RBFOX1: variants seen among roughly 807,000 people sequenced by gnomAD.
The protein encoded by RBFOX1 is RNA binding fox-1 homolog 1.
RBFOX1 carries 8 observed loss-of-function variants against 57.7 expected under a neutral mutation model. That is an observed-to-expected ratio of 0.14 (90% CI 0.08 to 0.25). The LOEUF (loss-of-function observed/expected upper bound fraction) is 0.25, where lower values mean the gene tolerates loss of function less well. Among genes scored for constraint, RBFOX1 ranks in the 10% least tolerant of loss-of-function variants. RBFOX1 has a pLI of 1.00. For synonymous variants in RBFOX1, 326 were observed against 222.4 expected (o/e 1.47, Z -4.15); for missense variants, 611 against 548.5 (o/e 1.11, Z -1.14).
At chr16:6,400,910 A>C (rs1253190455) in intron 2 of RBFOX1, among the ~76,000 whole-genome samples, 3 of 152,210 alleles carry the variant, frequency 2.0e-5, no homozygotes, top group African/African-American at 7.2e-5. Context: ...CAAAATCAGC[A>C]TTGATAGTAC....
chr16:5,546,884 G>T (rs1197635794), intron 2 of RBFOX1, among the ~76,000 whole-genome samples: 1 of 152,134 alleles, frequency 6.6e-6, no homozygotes, highest in African/African-American at 2.4e-5. Flanking sequence ...TGTGTAGAAT[G>T]GGTAAAGAAC....
chr16:7,066,402 T>A (rs554076627), intron 4 of RBFOX1, among the ~76,000 whole-genome samples: 1 of 152,320 alleles, frequency 6.6e-6, no homozygotes, highest in South Asian at 2.1e-4. Context: ...GGTATGGTTT[T>A]CTTTATTGAT....
At chr16:6,413,794 C>G (rs917303872) in intron 2 of RBFOX1, among the ~76,000 whole-genome samples, 5 of 152,134 alleles carry the variant, frequency 3.3e-5, no homozygotes, top group African/African-American at 4.8e-5. Flanking sequence ...ATCTACAGCT[C>G]TCCTCTACAC....
intron 3 of RBFOX1, among the ~76,000 whole-genome samples, chr16:6,785,284 C>T (rs559989692): frequency 1.3e-5 from 2 of 152,290 alleles, no homozygotes; most frequent in African/African-American, 4.8e-5. Context: ...ATTCTAAACA[C>T]CATGGATGGT....
At chr16:5,532,009 A>T (rs1171637371) in intron 2 of RBFOX1, among the ~76,000 whole-genome samples, 1 of 152,178 alleles carries the variant, frequency 6.6e-6, no homozygotes, top group African/African-American at 2.4e-5. Flanking sequence ...CTTGTTGGCC[A>T]GGCTGATCTT....
intron 3 of RBFOX1, among the ~76,000 whole-genome samples, chr16:5,804,657 T>C (rs1003431211): frequency 1.3e-5 from 2 of 152,176 alleles, no homozygotes; most frequent in Non-Finnish European, 2.9e-5. Flanking sequence ...TCCCCTCTTC[T>C]GCCCATTGTG....
intron 4 of RBFOX1, among the ~76,000 whole-genome samples, chr16:5,902,681 C>A (rs2058333183): frequency 6.6e-6 from 1 of 152,088 alleles, no homozygotes; most frequent in African/African-American, 2.4e-5. Context: ...CTCCCAAAGT[C>A]CTGGGATTAC....
chr16:6,486,959 G>A (rs1277355822), intron 2 of RBFOX1, among the ~76,000 whole-genome samples: 1 of 152,018 alleles, frequency 6.6e-6, no homozygotes, highest in South Asian at 2.1e-4. Context: ...TTCTTGCACG[G>A]CACCAAGAGA....
intron 3 of RBFOX1, among the ~76,000 whole-genome samples, chr16:6,675,660 C>G (rs759501026): frequency 2.2e-4 from 33 of 152,188 alleles, no homozygotes; most frequent in Non-Finnish European, 4.0e-4. Context: ...GCCTCACAAT[C>G]ATGGCAGAAG....
chr16:5,779,092 T>A (rs2054242346), intron 3 of RBFOX1, among the ~76,000 whole-genome samples: 1 of 152,156 alleles, frequency 6.6e-6, no homozygotes, highest in African/African-American at 2.4e-5. Context: ...AATGACTAAG[T>A]GATCATGAAC....
At chr16:6,940,016 G>A (rs2153495288) in intron 3 of RBFOX1, among the ~76,000 whole-genome samples, 2 of 152,186 alleles carry the variant, frequency 1.3e-5, no homozygotes, top group Admixed American at 1.3e-4. Context: ...AAAGGCACAG[G>A]TCAGCCTGGC....
At chr16:7,211,451 G>C (rs2091123843) in intron 4 of RBFOX1, among the ~76,000 whole-genome samples, 1 of 151,274 alleles carries the variant, frequency 6.6e-6, no homozygotes, top group Non-Finnish European at 1.5e-5. Flanking sequence ...TTATCCAGTG[G>C]GCTGGTAGCT....
At chr16:6,563,673 ATC>A (rs1160013718) in intron 2 of RBFOX1, among the ~76,000 whole-genome samples, 2 of 152,082 alleles carry the variant, frequency 1.3e-5, no homozygotes, top group East Asian at 3.9e-4. Flanking sequence ...GCAAAAGCTC[ATC>A]TCTACAAAAA....
chr16:7,597,636 G>A (rs750299219), intron 9 of RBFOX1, among the ~76,000 whole-genome samples: 5 of 152,184 alleles, frequency 3.3e-5, no homozygotes, highest in Non-Finnish European at 5.9e-5. Flanking sequence ...AAGTGTGCCT[G>A]CCCTTCTTCC....
At chr16:7,035,175 T>G (rs1049003050) in intron 3 of RBFOX1, among the ~76,000 whole-genome samples, 37 of 151,956 alleles carry the variant, frequency 2.4e-4, no homozygotes, top group African/African-American at 7.3e-4. Context: ...GTAATGAGTT[T>G]CCAGGTGATG....
At position 7,667,944 on chromosome 16, in the gene RBFOX1, G is replaced by A. The variant is rs557835695; in HGVS notation, c.930+2976G>A. On this transcript the variant is annotated intron_variant, in intron 13 of 15. Coordinates refer to ENST00000550418, the MANE Select transcript of RBFOX1 (RefSeq NM_018723.4). Reference sequence around the variant, plus strand: ...CCGCCTCGGTCTCCCAAAGTGCTACGATTACAGACGTGAGCCACTGCACCA... The same window carrying A: ...CCGCCTCGGTCTCCCAAAGTGCTACAATTACAGACGTGAGCCACTGCACCA... 3.9e-5 allele frequency among the ~76,000 whole-genome samples: 6 copies of A among 152,280 alleles called. No homozygotes were observed. In the South Asian group the frequency reaches 6.2e-4, roughly 16 times the overall value.
At chr16:6,838,735 A>AT (rs1206819299) in intron 3 of RBFOX1, among the ~76,000 whole-genome samples, 2 of 152,072 alleles carry the variant, frequency 1.3e-5, no homozygotes, top group African/African-American at 4.8e-5. Flanking sequence ...TCGGTAATAC[A>AT]TTTGCTTAGC....
chr16:5,314,515 T>C (rs929989061), intron 1 of RBFOX1, among the ~76,000 whole-genome samples: 8 of 152,228 alleles, frequency 5.3e-5, no homozygotes, highest in Non-Finnish European at 1.5e-5. Context: ...ATTTTTTCTT[T>C]TTTGAGACTG....
chr16:6,602,721 G>A (rs922742404), intron 2 of RBFOX1, among the ~76,000 whole-genome samples: 5 of 152,184 alleles, frequency 3.3e-5, no homozygotes, highest in Non-Finnish European at 5.9e-5. Context: ...AGATGAGCTG[G>A]AAGTGCAATT....
Sources: gnomAD v4.1 joint callset for allele counts (sites outside exome capture counted in the v4.1 genomes callset) on GRCh38, gnomAD v4.1.1 for gene constraint, MANE v1.5 for transcripts, NCBI Gene and HGNC (gene_info 2026-07-23, HGNC 2026-07-21) for gene names.